PTGFRN: variants seen among roughly 807,000 people sequenced by gnomAD.
The protein encoded by PTGFRN is prostaglandin F2 receptor inhibitor, also known as prostaglandin F2 receptor negative regulator.
Under a neutral mutation model 83.2 loss-of-function variants are expected in PTGFRN, and 35 were observed. The observed-to-expected ratio is 0.42, with a 90% CI of 0.32 to 0.56. The LOEUF is 0.56. PTGFRN is among the 20% of genes least tolerant of loss of function. PTGFRN has a pLI of 0.11. For synonymous variants in PTGFRN, 519 were observed against 498.6 expected (o/e 1.04, Z -0.55); for missense variants, 1,051 against 1,179.5 (o/e 0.89, Z 1.60).
At position 116,986,985 on chromosome 1, in the gene PTGFRN, G is replaced by T. The variant is rs1038302605; in HGVS notation, c.*18G>T. The stretch of plus-strand genomic sequence containing the variant: ...TGGACTAGGCTGGCCCGGGAGGGGA[G>T]TGACAGAGGGACGTTCTAGGAGCAA... On this transcript the variant is annotated 3_prime_UTR_variant, in exon 9 of 9. Coordinates refer to ENST00000393203, the MANE Select transcript of PTGFRN (RefSeq NM_020440.4). 1 of 1,613,700 alleles carries T rather than the reference G, an allele frequency of 6.2e-7. No individual in the cohort carries two copies. Among genetic ancestry groups the T allele is most frequent in the African/African-American group, 1.3e-5 (1 of 74,936 alleles).
Position 116,941,928 on chromosome 1 carries a change from A to G in PTGFRN, c.263A>G (p.Gln88Arg). The G allele has an allele frequency of 6.2e-7, 1 of 1,614,202 alleles. No homozygotes were observed. Among genetic ancestry groups the G allele is most frequent in the Non-Finnish European group, 8.5e-7 (1 of 1,180,026 alleles). ...FPAQLYQERL[Q>R]RGEILLRRTA... ...GCCCAGCTGTACCAGGAGCGGCTGC[A>G]GAGGGGCGAGATCCTGTTAAGGCGG... The change falls in exon 2 of 9, where the codon CAG becomes CGG. Residue 88 changes from glutamine (Q) to arginine (R), a missense_variant. Coordinates refer to ENST00000393203, the MANE Select transcript of PTGFRN (RefSeq NM_020440.4). The surrounding 1 kb of genome is among the most constrained non-coding windows in gnomAD (Gnocchi z 5.0).
In PTGFRN at chr1:116,989,475, G is replaced by T. The variant is rs1442401376; in HGVS notation, c.*2508G>T. 2.6e-5 allele frequency: 4 copies of T among 152,584 alleles called. No homozygotes were observed. In the East Asian group the frequency reaches 7.7e-4, roughly 29 times the overall value. 9.5% of individuals were successfully genotyped at this position (152,584 alleles called of 1,614,324 possible). A position where few individuals can be genotyped will look rare whatever the true frequency, so the allele number is the denominator to read the frequency against. ...TCCCCACCCCACCCCTGCGACAAGT[G>T]CTCTTCTAGAACAGGTTCCTACCAG... On this transcript the variant is annotated 3_prime_UTR_variant, in exon 9 of 9. Coordinates refer to ENST00000393203, the MANE Select transcript of PTGFRN (RefSeq NM_020440.4).
intron 1 of PTGFRN, among the ~76,000 whole-genome samples, chr1:116,930,645 G>A (rs1649771338): frequency 6.6e-6 from 1 of 152,136 alleles, no homozygotes; most frequent in South Asian, 2.1e-4. Context: ...CCTCTGTTGT[G>A]GCTCTCAGAG....
intron 2 of PTGFRN, among the ~76,000 whole-genome samples, chr1:116,943,284 T>C (rs1273808276): frequency 6.6e-6 from 1 of 152,182 alleles, no homozygotes; most frequent in Non-Finnish European, 1.5e-5. Context: ...TCAGAACATG[T>C]TATTTAGAAA....
At chr1:116,926,779 C>G (rs2767341) in intron 1 of PTGFRN, among the ~76,000 whole-genome samples, 12,562 of 152,118 alleles carry the variant, frequency 0.083, 1,779 homozygotes, top group African/African-American at 0.29. Flanking sequence ...ATTAGGGAAG[C>G]AGAACCCTTA....
At chr1:116,982,736 C>T (rs922284567) in intron 7 of PTGFRN, among the ~76,000 whole-genome samples, 7 of 152,102 alleles carry the variant, frequency 4.6e-5, no homozygotes, top group African/African-American at 1.2e-4. Context: ...GTAGGCCCAC[C>T]GGAGGGAAGG....
chr1:116,944,790 T>C lies in PTGFRN; in HGVS notation c.530T>C (p.Leu177Pro). 1 of 1,565,742 alleles carries C rather than the reference T, an allele frequency of 6.4e-7. No homozygotes were observed. Among genetic ancestry groups the C allele is most frequent in the Non-Finnish European group, 8.6e-7 (1 of 1,159,620 alleles). ...TGCACCGCCGCCTCCGCCTCGCCGCTGCACACGCACCTGGCGCTGCTGTGG... is the reference window on the plus strand; with the variant it reads ...TGCACCGCCGCCTCCGCCTCGCCGCCGCACACGCACCTGGCGCTGCTGTGG... ...LRCTAASASP[L>P]HTHLALLWEV... The change falls in exon 3 of 9, where the codon CTG (leucine) becomes CCG (proline). Residue 177 changes from leucine to proline, a missense_variant. By Grantham distance (98) the Leu-to-Pro change is moderately conservative (BLOSUM62 -3). This residue lies in a region of PTGFRN where 205 missense variants were observed against 174.5 expected (regional missense o/e 1.17). Coordinates refer to ENST00000393203, the MANE Select transcript of PTGFRN (RefSeq NM_020440.4).
At chr1:116,926,835 A>G (rs577751942) in intron 1 of PTGFRN, among the ~76,000 whole-genome samples, 1 of 152,326 alleles carries the variant, frequency 6.6e-6, no homozygotes, top group South Asian at 2.1e-4. Flanking sequence ...TAGACCTTAC[A>G]CAATTATGGA....
At chr1:116,963,157 A>G (rs1228997903) in intron 5 of PTGFRN, among the ~76,000 whole-genome samples, 8 of 152,174 alleles carry the variant, frequency 5.3e-5, no homozygotes, top group African/African-American at 1.4e-4. Flanking sequence ...GAAACATTCA[A>G]ACATGTTGAC....
chr1:116,937,456 G>A (rs993871094), intron 1 of PTGFRN, among the ~76,000 whole-genome samples: 1 of 152,242 alleles, frequency 6.6e-6, no homozygotes, highest in Non-Finnish European at 1.5e-5. Context: ...GCTGGCCGGG[G>A]CCAGGGTGAC....
intron 1 of PTGFRN, among the ~76,000 whole-genome samples, chr1:116,911,683 C>T (rs1214757211): frequency 5.9e-5 from 9 of 152,230 alleles, no homozygotes; most frequent in African/African-American, 2.2e-4. Flanking sequence ...CAGTCTTTCA[C>T]CCAGTCTGGA....
At chr1:116,912,617 C>T (rs1649301237) in intron 1 of PTGFRN, among the ~76,000 whole-genome samples, 1 of 152,128 alleles carries the variant, frequency 6.6e-6, no homozygotes, top group Admixed American at 6.5e-5. Context: ...CAGTTGGTGT[C>T]TTCCTGGTTG....
rs773877148 is a variant in PTGFRN, at chr1:116,952,905, A to G, written c.1213+3333A>G. Among the ~76,000 whole-genome samples the G allele has an allele frequency of 3.9e-5, 6 of 152,240 alleles. No homozygotes were observed. The highest frequency in any genetic ancestry group is 6.5e-5 in the Admixed American group (1 of 15,280). ...GGTTTCTGTAAGAAGCTCAATTACT[A>G]TGGGGGACAAATGATGCTTTGTGTT... On this transcript the variant is annotated intron_variant, in intron 4 of 8. Coordinates refer to ENST00000393203, the MANE Select transcript of PTGFRN (RefSeq NM_020440.4). The surrounding 1 kb of genome is among the most constrained non-coding windows in gnomAD (Gnocchi z 4.0).
chr1:116,954,761 C>T (rs894769056), intron 4 of PTGFRN, among the ~76,000 whole-genome samples: 1 of 93,164 alleles, frequency 1.1e-5, no homozygotes, highest in African/African-American at 3.2e-5. Flanking sequence ...TCTGCAAGGC[C>T]TTAGTCTTCT....
chr1:116,911,697 C>T (rs1200442495), intron 1 of PTGFRN, among the ~76,000 whole-genome samples: 1 of 152,232 alleles, frequency 6.6e-6, no homozygotes, highest in African/African-American at 2.4e-5. Context: ...GTCTGGAGTG[C>T]AATGGCACAA....
rs188033837 is a variant in PTGFRN, at chr1:116,976,153, C to T, written c.2167+1830C>T. ...TGAAGATCAAACGAATGAAATGAAG[C>T]GAGAAGAGAAGTTTAGAGAAAAAAG... On this transcript the variant is annotated intron_variant, in intron 7 of 8. Transcript: ENST00000393203. Among the ~76,000 whole-genome samples, 125 of 151,986 alleles carry T rather than the reference C, an allele frequency of 8.2e-4. 1 individual carries two copies. The Middle Eastern group carries it at 0.024, about 29-fold the overall frequency.
chr1:116,977,466 A>C (rs1651189826), intron 7 of PTGFRN, among the ~76,000 whole-genome samples: 2 of 152,202 alleles, frequency 1.3e-5, no homozygotes, highest in Admixed American at 1.3e-4. Context: ...TACTTCCAAA[A>C]TAGTTGGAAG....
Position 116,984,755 on chromosome 1 carries a change from C to T in PTGFRN, c.2243C>T (p.Ser748Phe). The T allele has an allele frequency of 6.2e-7, 1 of 1,614,100 alleles. No homozygotes were observed. The highest frequency in any genetic ancestry group is 8.5e-7 in the Non-Finnish European group (1 of 1,180,022). The part of the protein sequence containing the change: ...GLDKAPVLLS[S>F]LDRKGIVTTS... ...GACAAGGCTCCTGTGCTCCTGTCTT[C>T]CCTGGATCGGAAGGGCATCGTGACC... Residue 748 changes from serine to phenylalanine, a missense_variant, in exon 8 of 9, where the codon TCC becomes TTC. This residue lies in a region of PTGFRN where 719 missense variants were observed against 836.6 expected (regional missense o/e 0.86). Coordinates refer to ENST00000393203, the MANE Select transcript of PTGFRN (RefSeq NM_020440.4).
chr1:116,935,288 T>A (rs1182902437), intron 1 of PTGFRN, among the ~76,000 whole-genome samples: 1 of 152,188 alleles, frequency 6.6e-6, no homozygotes, highest in Non-Finnish European at 1.5e-5. Context: ...AGCTCTGAGT[T>A]ACTTACTTCT....
Sources: gnomAD v4.1 joint callset for allele counts (sites outside exome capture counted in the v4.1 genomes callset) on GRCh38, gnomAD v4.1.1 for gene constraint, gnomAD v4.1.1 regional missense constraint, Gnocchi (gnomAD v3.1) non-coding constraint, MANE v1.5 for transcripts, NCBI Gene and HGNC (gene_info 2026-07-23, HGNC 2026-07-21) for gene names.